The following SLMAP variants were observed in gnomAD, a reference collection of about 807,000 sequenced individuals.
SLMAP encodes the protein sarcolemma associated protein, also known as sarcolemmal membrane-associated protein.
Under a neutral mutation model 128.8 loss-of-function variants are expected in SLMAP, and 44 were observed. That is an observed-to-expected ratio of 0.34 (90% CI 0.27 to 0.44). The LOEUF is 0.44. Among genes scored for constraint, SLMAP ranks in the 20% least tolerant of loss-of-function variants. SLMAP has a pLI of 1.00. For missense variants in SLMAP, 787 were observed against 985.3 expected (o/e 0.80, Z 2.69); for synonymous variants, 327 against 348.8 (o/e 0.94, Z 0.70).
At position 57,927,416 on chromosome 3, in the gene SLMAP, C is replaced by G; in HGVS notation, c.*127C>G. On this transcript the variant is annotated 3_prime_UTR_variant, in exon 25 of 25. Transcript: ENST00000671191. The stretch of plus-strand genomic sequence containing the variant: ...GCGTTCCTTGAGTCCGTACACCGTC[C>G]TCCCTCTAGAAGCTGGCATCACACT... The G allele has an allele frequency of 7.1e-7, 1 of 1,410,350 alleles. No individual in the cohort carries two copies. Among genetic ancestry groups the G allele is most frequent in the Non-Finnish European group, 9.9e-7 (1 of 1,012,750 alleles). 87.4% of individuals were successfully genotyped at this position (1,410,350 alleles called of 1,614,324 possible). A position where few individuals can be genotyped will look rare whatever the true frequency, so the allele number is the denominator to read the frequency against.
intron 2 of SLMAP, among the ~76,000 whole-genome samples, chr3:57,777,776 T>C (rs1191335149): frequency 6.6e-6 from 1 of 152,164 alleles, no homozygotes; most frequent in Non-Finnish European, 1.5e-5. Flanking sequence ...AATAAACAAA[T>C]GCTCAACTTT....
intron 2 of SLMAP, among the ~76,000 whole-genome samples, chr3:57,766,810 C>G (rs1401951835): frequency 6.6e-6 from 1 of 152,082 alleles, no homozygotes; most frequent in Non-Finnish European, 1.5e-5. Flanking sequence ...AGGCTCAGTT[C>G]CAATGTGAAA....
chr3:57,867,049 G>C (rs188955987), intron 13 of SLMAP, among the ~76,000 whole-genome samples: 1 of 151,826 alleles, frequency 6.6e-6, no homozygotes, highest in Non-Finnish European at 1.5e-5. Flanking sequence ...GTGGTGGCAC[G>C]CTACTGTAAT....
intron 6 of SLMAP, 43 bp from the exon 7 acceptor site, chr3:57,857,690 A>G: frequency 1.6e-6 from 2 of 1,289,516 alleles, no homozygotes; most frequent in East Asian, 4.6e-5. Context: ...CAAAAGAATC[A>G]TGATGAGCTT....
In SLMAP at chr3:57,923,171, G is replaced by A. The variant is rs547817571; in HGVS notation, c.2445+148G>A. On this transcript the variant is annotated intron_variant, in intron 23 of 24. Coordinates refer to ENST00000671191, the MANE Select transcript of SLMAP (RefSeq NM_001377540.1). ...TATGAAATTCCATGATAGAATCATT[G>A]TGCTGTCAGATTTTTGAGTAAGAAT... 50 of 809,268 alleles carry A rather than the reference G, an allele frequency of 6.2e-5. 1 individual carries two copies. In the South Asian group the frequency reaches 7.1e-4, roughly 11 times the overall value. 50.1% of individuals were successfully genotyped at this position (809,268 alleles called of 1,614,324 possible).
intron 14 of SLMAP, among the ~76,000 whole-genome samples, chr3:57,873,047 T>A (rs963673342): frequency 6.6e-6 from 1 of 152,228 alleles, no homozygotes; most frequent in Admixed American, 6.5e-5. Context: ...ACAAATCAAA[T>A]GTTATACTCC....
intron 4 of SLMAP, among the ~76,000 whole-genome samples, chr3:57,843,678 A>G (rs2094077616): frequency 1.3e-5 from 2 of 151,060 alleles, no homozygotes; most frequent in South Asian, 4.2e-4. Context: ...AAAGAGGCCC[A>G]GCCAATAATT....
chr3:57,798,198 T>G (rs763116054), intron 2 of SLMAP, among the ~76,000 whole-genome samples: 3 of 152,186 alleles, frequency 2.0e-5, no homozygotes, highest in Non-Finnish European at 2.9e-5. Flanking sequence ...CTTAAATTTG[T>G]CTGTCATTTG....
chr3:57,896,476 G>A (rs746196814), intron 15 of SLMAP, 35 bp from the exon 16 acceptor site: 65 of 1,554,440 alleles, frequency 4.2e-5, no homozygotes, highest in Non-Finnish European at 4.9e-5. Flanking sequence ...ATATTTAACT[G>A]TAATAAGATT....
At chr3:57,895,935 C>A (rs1329059735) in intron 15 of SLMAP, among the ~76,000 whole-genome samples, 1 of 147,358 alleles carries the variant, frequency 6.8e-6, no homozygotes, top group Non-Finnish European at 1.5e-5. Context: ...CAGAGCAAGA[C>A]GCTGTCTCAA....
rs765801850 is a variant in SLMAP, at chr3:57,757,699, G to T, written c.48G>T (p.Pro16=). The T allele has an allele frequency of 1.2e-6, 2 of 1,614,008 alleles. No individual in the cohort carries two copies. The highest frequency in any genetic ancestry group is 8.5e-7 in the Non-Finnish European group (1 of 1,180,042). ...TCACTTGCCGCCCGAACTCGCACCC[G>T]TTTCAGGAGCGTCATGTCTACCTGG... ...AIFTCRPNSH[P]FQERHVYLDE... The change falls in exon 2 of 25, where the codon CCG becomes CCT. Residue 16 remains proline, a synonymous_variant. Transcript: ENST00000671191.
rs143671106 is a variant in SLMAP at position 57,761,483 on chromosome 3, C to G, written c.198+3634C>G. On this transcript the variant is annotated intron_variant, in intron 2 of 24. Transcript: ENST00000671191. ...CTAATTTTTGTATTTTTAGTGGAGA[C>G]AGGGTTTCACCATGTTGGCCAGGCT... Among the ~76,000 whole-genome samples, 1,325 of 151,684 alleles carry G rather than the reference C, an allele frequency of 8.7e-3. 14 individuals carry two copies. The highest frequency in any genetic ancestry group is 0.051 in the South Asian group (244 of 4,794).
At chr3:57,762,730 T>TC (rs2078936210) in intron 2 of SLMAP, among the ~76,000 whole-genome samples, 1 of 149,316 alleles carries the variant, frequency 6.7e-6, no homozygotes, top group Non-Finnish European at 1.5e-5. Flanking sequence ...TTTTTTTTTT[T>TC]TTTGAGCCGG....
intron 14 of SLMAP, among the ~76,000 whole-genome samples, chr3:57,887,235 A>G (rs1036603063): frequency 7.1e-6 from 1 of 141,394 alleles, no homozygotes; most frequent in Admixed American, 7.1e-5. Context: ...AAGCCATGAG[A>G]TTTTTTTTTT....
rs397802332 is a variant in SLMAP at position 57,896,066 on chromosome 3, T to TA, written c.1361-443dup. On this transcript the variant is annotated intron_variant, in intron 15 of 24. Coordinates refer to ENST00000671191, the MANE Select transcript of SLMAP (RefSeq NM_001377540.1). ...ATAAGAACTGATCGTGGTTTTTTTT[T>TA]AAGAGTTTTATTATTTGAGTACAAA... Among the ~76,000 whole-genome samples the TA allele has an allele frequency of 9.3e-4, 142 of 151,914 alleles. 1 individual carries two copies. The South Asian group carries it at 0.028, about 30-fold the overall frequency.
At chr3:57,810,091 T>C (rs2090674653) in intron 2 of SLMAP, among the ~76,000 whole-genome samples, 1 of 152,170 alleles carries the variant, frequency 6.6e-6, no homozygotes, top group African/African-American at 2.4e-5. Flanking sequence ...CTGTGGTTCC[T>C]GGAGGCTCCA....
chr3:57,842,788 T>G (rs914571106), intron 4 of SLMAP, among the ~76,000 whole-genome samples: 2 of 152,188 alleles, frequency 1.3e-5, no homozygotes, highest in African/African-American at 4.8e-5. Context: ...TCACTTAAAT[T>G]TTTGCTGCCA....
intron 2 of SLMAP, among the ~76,000 whole-genome samples, chr3:57,764,204 T>A (rs566522173): frequency 6.6e-6 from 1 of 152,144 alleles, no homozygotes; most frequent in South Asian, 2.1e-4. Context: ...ACCAAACCCC[T>A]GTTTAAGAAA....
rs1576307459 is a variant in SLMAP, at chr3:57,913,082, A to G, written c.2021-76A>G. The G allele has an allele frequency of 7.5e-5, 55 of 732,294 alleles. No individual in the cohort carries two copies. In the East Asian group the frequency reaches 1.4e-3, roughly 19 times the overall value. The allele number at this position is 732,294 out of a possible 1,614,324, so 45.4% of individuals were successfully genotyped here. A position where few individuals can be genotyped will look rare whatever the true frequency, so the allele number is the denominator to read the frequency against. ...GGCAAAAAGTATGTTCTCCTCTGAAATCTTTTCCTTTATCCTTTGAAGTAT... is the reference window on the plus strand; with the variant it reads ...GGCAAAAAGTATGTTCTCCTCTGAAGTCTTTTCCTTTATCCTTTGAAGTAT... On this transcript the variant is annotated intron_variant, in intron 20 of 24. Coordinates refer to ENST00000671191, the MANE Select transcript of SLMAP (RefSeq NM_001377540.1).
Sources: allele counts gnomAD v4.1 joint callset (sites outside exome capture counted in the v4.1 genomes callset), GRCh38; gene constraint gnomAD v4.1.1; transcripts MANE v1.5; gene names NCBI Gene and HGNC (gene_info 2026-07-23, HGNC 2026-07-21).